The following FMN1 variants were observed in gnomAD, a reference collection of about 807,000 sequenced individuals.
FMN1 encodes the protein formin 1, also known as formin-1.
In FMN1, 110 loss-of-function variants were observed where a neutral mutation model predicts 132.4. The observed-to-expected ratio is 0.83, with a 90% CI of 0.71 to 0.97. The LOEUF (loss-of-function observed/expected upper bound fraction) is 0.97, where lower values mean the gene tolerates loss of function less well. FMN1 is among the 50% of genes least tolerant of loss of function. The pLI, the probability that FMN1 is intolerant of heterozygous loss-of-function variation, is 0.00. For missense variants in FMN1, 1,792 were observed against 1,705.3 expected (o/e 1.05, Z -0.90); for synonymous variants, 722 against 651.7 (o/e 1.11, Z -1.64).
chr15:33,171,075 A>G (rs1965301626), intron 3 of FMN1, among the ~76,000 whole-genome samples: 1 of 152,232 alleles, frequency 6.6e-6, no homozygotes, highest in African/African-American at 2.4e-5. Flanking sequence ...GTCATTTGCA[A>G]CAACATGGAT....
intron 7 of FMN1, among the ~76,000 whole-genome samples, chr15:32,981,712 C>T (rs1371329343): frequency 6.6e-6 from 1 of 151,914 alleles, no homozygotes; most frequent in African/African-American, 2.4e-5. Flanking sequence ...CCATCAAAAA[C>T]ATGATTCATT....
At chr15:33,049,104 C>G (rs184875044) in intron 6 of FMN1, among the ~76,000 whole-genome samples, 145 of 152,286 alleles carry the variant, frequency 9.5e-4, no homozygotes, top group African/African-American at 3.4e-3. Flanking sequence ...GTAAAAAATT[C>G]TCTGTGTGAA....
chr15:32,961,278 C>T (rs566174962), intron 9 of FMN1, among the ~76,000 whole-genome samples: 22 of 151,844 alleles, frequency 1.4e-4, no homozygotes, highest in Admixed American at 1.2e-3. Context: ...AGATTACAGG[C>T]GCCCGCCACC....
At position 33,023,265 on chromosome 15, in the gene FMN1, A is replaced by T. The variant is rs532552885; in HGVS notation, c.2162-15190T>A. Among the ~76,000 whole-genome samples the T allele has an allele frequency of 8.3e-3, 459 of 55,336 alleles. 2 individuals are homozygous for T. The highest frequency in any genetic ancestry group is 0.015 in the Non-Finnish European group (348 of 22,860). The allele number at this position is 55,336 out of a possible 152,430, so 36.3% of individuals were successfully genotyped here. A position where few individuals can be genotyped will look rare whatever the true frequency, so the allele number is the denominator to read the frequency against. ...AAAGGGGAAGGGGAGGGGGAAACTT[A>T]AAAAAAAAATCATCCTATAGATCAC... On this transcript the variant is annotated intron_variant, in intron 6 of 20. Transcript: ENST00000616417.
intron 6 of FMN1, chr15:33,012,126 C>CA (rs757269651): frequency 6.5e-6 from 3 of 461,806 alleles, no homozygotes; most frequent in Non-Finnish European, 1.2e-5. Flanking sequence ...GTCATGTCTG[C>CA]ACATCAGAGT....
rs1013266207 is a variant in FMN1, at chr15:33,007,414, C to T, written c.2223+600G>A. 7.2e-5 allele frequency among the ~76,000 whole-genome samples: 11 copies of T among 152,272 alleles called. No individual in the cohort carries two copies. In the South Asian group the frequency reaches 8.3e-4, roughly 11 times the overall value. On this transcript the variant is annotated intron_variant, in intron 7 of 20. Transcript: ENST00000616417. ...GATTCTGAACTTTCTGCCACAGGCA[C>T]TACAAGCAAATGCCAAATACAGGGA...
At chr15:32,997,444 G>A (rs1205818583) in intron 7 of FMN1, among the ~76,000 whole-genome samples, 1 of 151,886 alleles carries the variant, frequency 6.6e-6, no homozygotes, top group Non-Finnish European at 1.5e-5. Flanking sequence ...ATACTAGGCA[G>A]TGAATACATA....
At chr15:33,087,460 C>T (rs981020670) in intron 5 of FMN1, among the ~76,000 whole-genome samples, 2 of 152,028 alleles carry the variant, frequency 1.3e-5, no homozygotes, top group East Asian at 1.9e-4. Flanking sequence ...GTGGGAGGAC[C>T]GCTTGAACCC....
intron 16 of FMN1, among the ~76,000 whole-genome samples, chr15:32,884,034 G>A (rs941185989): frequency 9.2e-5 from 14 of 152,050 alleles, no homozygotes; most frequent in African/African-American, 2.2e-4. Flanking sequence ...AATGCTGCAC[G>A]CGCATGTGTG....
chr15:32,812,387 A>G (rs930517807), intron 17 of FMN1, among the ~76,000 whole-genome samples: 7 of 152,184 alleles, frequency 4.6e-5, no homozygotes, highest in Non-Finnish European at 1.0e-4. Context: ...ATTGTTTCCA[A>G]TTTCAATTTT....
At chr15:33,124,239 CAG>C (rs892371958) in intron 4 of FMN1, among the ~76,000 whole-genome samples, 58 of 150,562 alleles carry the variant, frequency 3.9e-4, no homozygotes, top group African/African-American at 1.4e-3. Context: ...AAAAAGGAAA[CAG>C]ATGTTATGTG....
At chr15:33,038,089 G>A (rs1055262113) in intron 6 of FMN1, among the ~76,000 whole-genome samples, 1 of 152,188 alleles carries the variant, frequency 6.6e-6, no homozygotes, top group Non-Finnish European at 1.5e-5. Context: ...TTAGCCAGGA[G>A]CAGTGGTGCA....
chr15:32,815,522 A>G (rs17228795), intron 17 of FMN1, among the ~76,000 whole-genome samples: 2,005 of 152,294 alleles, frequency 0.013, 14 homozygotes, highest in Non-Finnish European at 0.019. Context: ...CTTACACTTG[A>G]AAACTATGGA....
At chr15:33,036,567 T>C (rs1285721070) in intron 6 of FMN1, among the ~76,000 whole-genome samples, 1 of 152,112 alleles carries the variant, frequency 6.6e-6, no homozygotes, top group Non-Finnish European at 1.5e-5. Flanking sequence ...ACAATATTGG[T>C]TCTGGAGCTA....
At chr15:32,919,532 G>C (rs1239120832) in intron 10 of FMN1, among the ~76,000 whole-genome samples, 1 of 152,114 alleles carries the variant, frequency 6.6e-6, no homozygotes, top group Non-Finnish European at 1.5e-5. Context: ...AAATTAGCAA[G>C]ACATTTAAAA....
chr15:33,194,289 G>C (rs2140369902), intron 1 of FMN1, among the ~76,000 whole-genome samples: 1 of 124,896 alleles, frequency 8.0e-6, no homozygotes, highest in South Asian at 3.0e-4. Flanking sequence ...CTGGGAATGA[G>C]ACTGCACTGG....
chr15:33,032,270 C>T (rs1403428010), intron 6 of FMN1, among the ~76,000 whole-genome samples: 1 of 152,156 alleles, frequency 6.6e-6, no homozygotes, highest in African/African-American at 2.4e-5. Context: ...TTTAATGACT[C>T]ATTCGTTGAA....
intron 5 of FMN1, among the ~76,000 whole-genome samples, chr15:33,076,038 G>T (rs1437794432): frequency 2.0e-5 from 3 of 152,146 alleles, no homozygotes; most frequent in Non-Finnish European, 4.4e-5. Context: ...CTCTAGAAAT[G>T]GATTTAATAT....
intron 7 of FMN1, among the ~76,000 whole-genome samples, chr15:32,980,939 G>A (rs142346755): frequency 1.9e-4 from 29 of 152,250 alleles, no homozygotes; most frequent in Non-Finnish European, 3.8e-4. Flanking sequence ...GCTTGAACCC[G>A]GGAAGCGGAG....
Sources: allele counts gnomAD v4.1 joint callset (sites outside exome capture counted in the v4.1 genomes callset), GRCh38; gene constraint gnomAD v4.1.1; transcripts MANE v1.5; gene names NCBI Gene and HGNC (gene_info 2026-07-23, HGNC 2026-07-21).